STAU2: variants seen among roughly 807,000 people sequenced by gnomAD.
The protein encoded by STAU2 is staufen double-stranded RNA binding protein 2, also known as double-stranded RNA-binding protein Staufen homolog 2.
Under a neutral mutation model 65.9 loss-of-function variants are expected in STAU2, and 20 were observed. The observed-to-expected ratio is 0.30, with a 90% CI of 0.21 to 0.44. The LOEUF (loss-of-function observed/expected upper bound fraction) is 0.44. STAU2 is among the 20% of genes least tolerant of loss of function. The pLI, the probability that STAU2 is intolerant of heterozygous loss-of-function variation, is 1.00. For missense variants in STAU2, 558 were observed against 683.9 expected (o/e 0.82, Z 2.05); for synonymous variants, 232 against 233.9 (o/e 0.99, Z 0.07).
intron 6 of STAU2, among the ~76,000 whole-genome samples, chr8:73,628,129 C>T (rs1813827637): frequency 6.6e-6 from 1 of 151,186 alleles, no homozygotes; most frequent in African/African-American, 2.4e-5. Flanking sequence ...GGCTGGAGTG[C>T]AGAGCATGAT....
chr8:73,432,050 TCA>T (rs1817339366), intron 13 of STAU2, among the ~76,000 whole-genome samples: 1 of 152,010 alleles, frequency 6.6e-6, no homozygotes, highest in East Asian at 1.9e-4. Context: ...TTTTTCCATT[TCA>T]GTCTTTCCCC....
chr8:73,551,504 A>C, intron 13 of STAU2: 1 of 987,330 alleles, frequency 1.0e-6, no homozygotes, highest in Non-Finnish European at 1.2e-6. Flanking sequence ...TTAACTCCTA[A>C]GGTAATAGAC....
chr8:73,453,101 G>T (rs1818887827), intron 13 of STAU2, among the ~76,000 whole-genome samples: 1 of 152,094 alleles, frequency 6.6e-6, no homozygotes, highest in Non-Finnish European at 1.5e-5. Flanking sequence ...CATTGAAAAA[G>T]AACAGGAACA....
rs144526915 is a variant in STAU2, at chr8:73,670,207, G to A, written c.410+2900C>T. ...GTGTTGTCCCTTGTGCCTCCTATGC[G>A]GTGTGGACACCAAGCTGAGGGCTGG... On this transcript the variant is annotated intron_variant, in intron 6 of 14. Coordinates refer to ENST00000524300, the MANE Select transcript of STAU2 (RefSeq NM_001164380.2). Among the ~76,000 whole-genome samples, 16 of 152,236 alleles carry A rather than the reference G, an allele frequency of 1.1e-4. No individual in the cohort carries two copies. In the East Asian group the frequency reaches 2.7e-3, roughly 26 times the overall value.
Position 73,564,908 on chromosome 8 carries a change from T to C in STAU2, c.1223-12589A>G, listed in dbSNP as rs376732790. 8.5e-5 allele frequency among the ~76,000 whole-genome samples: 13 copies of C among 152,128 alleles called. No individual in the cohort carries two copies. The East Asian group carries it at 2.3e-3, about 27-fold the overall frequency. On this transcript the variant is annotated intron_variant, in intron 12 of 14. Transcript: ENST00000524300. ...GGTCTAAGTTGTCCCAGTATGGGTG[T>C]CGTGTGTGTGTGTGTGCGCACACGC... is the stretch of plus-strand genomic sequence containing the variant.
At chr8:73,667,661 G>C (rs980185357) in intron 6 of STAU2, among the ~76,000 whole-genome samples, 1 of 151,954 alleles carries the variant, frequency 6.6e-6, no homozygotes, top group Non-Finnish European at 1.5e-5. Flanking sequence ...CTGTTCTTTC[G>C]TTTTCCTCTT....
chr8:73,651,140 G>C, intron 6 of STAU2: 1 of 1,291,026 alleles, frequency 7.7e-7, no homozygotes, highest in East Asian at 2.5e-5. Context: ...GTCTCCCTGG[G>C]GAGCCTCCCT....
intron 13 of STAU2, among the ~76,000 whole-genome samples, chr8:73,437,699 G>A (rs1320836922): frequency 6.6e-6 from 1 of 152,194 alleles, no homozygotes; most frequent in Non-Finnish European, 1.5e-5. Flanking sequence ...GATGGGCCCA[G>A]GGAAAGGTAA....
At chr8:73,464,597 C>CGT (rs1563607747) in intron 13 of STAU2, among the ~76,000 whole-genome samples, 3 of 132,646 alleles carry the variant, frequency 2.3e-5, no homozygotes, top group African/African-American at 6.1e-5. Flanking sequence ...CATGTGTGCA[C>CGT]GCGCACACAC....
chr8:73,615,377 T>G (rs1812757314), intron 8 of STAU2, among the ~76,000 whole-genome samples: 1 of 152,114 alleles, frequency 6.6e-6, no homozygotes, highest in Non-Finnish European at 1.5e-5. Context: ...CTATTTAAAA[T>G]GCCAAATCTT....
intron 14 of STAU2, among the ~76,000 whole-genome samples, chr8:73,421,956 ATTT>A (rs57489089): frequency 8.3e-5 from 12 of 144,318 alleles, no homozygotes; most frequent in Admixed American, 2.7e-4. Context: ...ACCCCTTTCC[ATTT>A]TTTTTTTTTT....
intron 6 of STAU2, chr8:73,651,692 AC>A: frequency 1.5e-5 from 7 of 461,772 alleles, no homozygotes; most frequent in South Asian, 4.0e-5. Flanking sequence ...CTGGCGTACC[AC>A]CCCCCAAAGC....
At chr8:73,681,539 C>G (rs1818432957) in intron 5 of STAU2, among the ~76,000 whole-genome samples, 1 of 152,022 alleles carries the variant, frequency 6.6e-6, no homozygotes, top group Non-Finnish European at 1.5e-5. Flanking sequence ...CTCACAGGGC[C>G]TATAAAACAA....
At chr8:73,462,206 A>G (rs1411140449) in intron 13 of STAU2, among the ~76,000 whole-genome samples, 1 of 151,496 alleles carries the variant, frequency 6.6e-6, no homozygotes, top group African/African-American at 2.4e-5. Flanking sequence ...CAGCTTCCTG[A>G]GTAGCTGGGA....
At chr8:73,700,429 C>T (rs1360270185) in intron 4 of STAU2, among the ~76,000 whole-genome samples, 1 of 152,026 alleles carries the variant, frequency 6.6e-6, no homozygotes, top group Non-Finnish European at 1.5e-5. Context: ...AACCTAAAGA[C>T]TCCAACAAAA....
chr8:73,554,240 T>C (rs180832084), intron 12 of STAU2, among the ~76,000 whole-genome samples: 11 of 152,358 alleles, frequency 7.2e-5, no homozygotes, highest in African/African-American at 2.6e-4. Flanking sequence ...ATGGTGCTCC[T>C]CTTTGCCTCT....
At chr8:73,600,972 C>T (rs1811591533) in intron 10 of STAU2, among the ~76,000 whole-genome samples, 1 of 152,210 alleles carries the variant, frequency 6.6e-6, no homozygotes, top group African/African-American at 2.4e-5. Flanking sequence ...CTCAAAACAT[C>T]ACTTTATTAT....
At chr8:73,522,145 T>G (rs1011213923) in intron 13 of STAU2, among the ~76,000 whole-genome samples, 1 of 152,102 alleles carries the variant, frequency 6.6e-6, no homozygotes, top group Non-Finnish European at 1.5e-5. Context: ...ATATTGACAA[T>G]GCAATCAGAA....
chr8:73,681,115 C>A (rs1450049219), intron 5 of STAU2, among the ~76,000 whole-genome samples: 1 of 152,040 alleles, frequency 6.6e-6, no homozygotes, highest in Non-Finnish European at 1.5e-5. Flanking sequence ...GGTCAAGGAA[C>A]ACCCAGGGAA....
Sources: gnomAD v4.1 joint callset for allele counts (sites outside exome capture counted in the v4.1 genomes callset) on GRCh38, gnomAD v4.1.1 for gene constraint, MANE v1.5 for transcripts, NCBI Gene and HGNC (gene_info 2026-07-23, HGNC 2026-07-21) for gene names.